Variants in GABRB1 observed in about 807,000 individuals in gnomAD.
The protein encoded by GABRB1 is gamma-aminobutyric acid type A receptor subunit beta1.
GABRB1 carries 17 observed loss-of-function variants against 51.6 expected under a neutral mutation model. That is an observed-to-expected ratio of 0.33 (90% CI 0.23 to 0.49). GABRB1 has a LOEUF of 0.49. GABRB1 is among the 20% of genes least tolerant of loss of function. The probability of loss-of-function intolerance (pLI) is 0.99; values close to 1 mark genes in which losing one functional copy is unlikely to be tolerated. For synonymous variants in GABRB1, 247 were observed against 218.9 expected, an observed-to-expected ratio of 1.13 and a Z score of -1.14; for missense variants, 410 against 600.6, an observed-to-expected ratio of 0.68 and a Z score of 3.32.
At chr4:47,399,223 G>A (rs1728297718) in intron 5 of GABRB1, among the ~76,000 whole-genome samples, 1 of 152,046 alleles carries the variant, frequency 6.6e-6, no homozygotes, top group East Asian at 1.9e-4. Context: ...TTATTATAAT[G>A]AAGTATATTA....
chr4:47,420,229 G>C (rs1210776380), intron 8 of GABRB1, among the ~76,000 whole-genome samples: 3 of 152,146 alleles, frequency 2.0e-5, no homozygotes, highest in African/African-American at 7.2e-5. Context: ...ACTCCAGAAG[G>C]CACGGAGCCT....
chr4:47,226,263 T>C (rs1160593454), intron 4 of GABRB1, among the ~76,000 whole-genome samples: 1 of 152,140 alleles, frequency 6.6e-6, no homozygotes, highest in Admixed American at 6.6e-5. Context: ...GCTGGATTAG[T>C]AAATATGAAG....
At chr4:47,232,757 A>G (rs1721184274) in intron 4 of GABRB1, among the ~76,000 whole-genome samples, 1 of 152,106 alleles carries the variant, frequency 6.6e-6, no homozygotes, top group Admixed American at 6.6e-5. Context: ...TCTGCCTCAC[A>G]TAGTTTATCC....
intron 4 of GABRB1, among the ~76,000 whole-genome samples, chr4:47,311,679 T>A (rs535734864): frequency 5.3e-5 from 8 of 152,244 alleles, no homozygotes; most frequent in African/African-American, 1.9e-4. Flanking sequence ...TGTAAGCGAA[T>A]AAATTTGTGT....
At chr4:47,224,925 AT>A (rs1296295383) in intron 4 of GABRB1, among the ~76,000 whole-genome samples, 2 of 151,898 alleles carry the variant, frequency 1.3e-5, no homozygotes, top group African/African-American at 4.8e-5. Flanking sequence ...ACAGAGTTTC[AT>A]TCTTGTTGCT....
In GABRB1 at chr4:47,282,497, C is replaced by G. The variant is rs560523209; in HGVS notation, c.462-37630C>G. Among the ~76,000 whole-genome samples the G allele has an allele frequency of 9.9e-4, 151 of 152,114 alleles. 1 individual carries two copies. The highest frequency in any genetic ancestry group is 3.3e-3 in the African/African-American group (137 of 41,494). On this transcript the variant is annotated intron_variant, in intron 4 of 8. Transcript: ENST00000295454. Reference sequence around the variant, plus strand: ...AACCATACATAACTAGTTGTAGTAGCACATAACTAGTTGTAGTAGCCCCAG... The same window carrying G: ...AACCATACATAACTAGTTGTAGTAGGACATAACTAGTTGTAGTAGCCCCAG...
At chr4:47,136,643 A>G (rs1444324121) in intron 3 of GABRB1, among the ~76,000 whole-genome samples, 1 of 152,096 alleles carries the variant, frequency 6.6e-6, no homozygotes, top group Non-Finnish European at 1.5e-5. Flanking sequence ...TAAAAAAGTG[A>G]ATAGAATTCA....
At chr4:47,236,375 T>C (rs927739945) in intron 4 of GABRB1, among the ~76,000 whole-genome samples, 2 of 152,118 alleles carry the variant, frequency 1.3e-5, no homozygotes, top group African/African-American at 4.8e-5. Context: ...CTATAATTTA[T>C]GTAATTAACT....
intron 4 of GABRB1, among the ~76,000 whole-genome samples, chr4:47,270,426 A>C (rs958724183): frequency 2.0e-5 from 3 of 152,212 alleles, no homozygotes; most frequent in Non-Finnish European, 4.4e-5. Flanking sequence ...ACTCCCAAGC[A>C]CAGCAAGGTC....
Position 47,363,767 on chromosome 4 carries a change from A to C in GABRB1, c.545-39551A>C, listed in dbSNP as rs545184323. ...ATCCTGCTCCTTTCTTAATGTTTCC[A>C]AGTTAAGCTCCATCAGACCATCTGG... On this transcript the variant is annotated intron_variant, in intron 5 of 8. Transcript: ENST00000295454. Among the ~76,000 whole-genome samples the C allele has an allele frequency of 1.8e-4, 28 of 152,308 alleles. No homozygotes were observed. The South Asian group carries it at 4.1e-3, about 23-fold the overall frequency.
At chr4:47,399,277 T>C (rs1316352707) in intron 5 of GABRB1, among the ~76,000 whole-genome samples, 1 of 152,220 alleles carries the variant, frequency 6.6e-6, no homozygotes, top group Non-Finnish European at 1.5e-5. Flanking sequence ...ATATTGATTA[T>C]GCTTTATTAT....
intron 3 of GABRB1, among the ~76,000 whole-genome samples, chr4:47,145,388 C>T (rs1197229990): frequency 6.6e-6 from 1 of 152,018 alleles, no homozygotes; most frequent in Non-Finnish European, 1.5e-5. Flanking sequence ...TTCATGTGCA[C>T]TTGCAGTGTG....
rs560100159 is a variant in GABRB1, at chr4:47,135,545, T to C, written c.241-25704T>C. Among the ~76,000 whole-genome samples, 30 of 152,248 alleles carry C rather than the reference T, an allele frequency of 2.0e-4. No individual in the cohort carries two copies. The Middle Eastern group carries it at 0.014, about 69-fold the overall frequency. ...GTAAAGATACCATTCTGAAATCTTA[T>C]GTTATCAAAGTCTTAATGACTCTCC... is the stretch of plus-strand genomic sequence containing the variant. On this transcript the variant is annotated intron_variant, in intron 3 of 8. Transcript: ENST00000295454.
chr4:47,034,705 T>A (rs904998881), intron 3 of GABRB1, among the ~76,000 whole-genome samples: 1 of 152,060 alleles, frequency 6.6e-6, no homozygotes, highest in African/African-American at 2.4e-5. Flanking sequence ...AACATTGAAA[T>A]AAATAGATTG....
At chr4:47,046,474 A>G (rs745574759) in intron 3 of GABRB1, among the ~76,000 whole-genome samples, 2 of 152,138 alleles carry the variant, frequency 1.3e-5, no homozygotes, top group Non-Finnish European at 1.5e-5. Context: ...TTTAAGAAAC[A>G]TCCAAAAATC....
At chr4:47,176,785 CCATTCATTCTT>C (rs1718721363) in intron 4 of GABRB1, among the ~76,000 whole-genome samples, 1 of 152,076 alleles carries the variant, frequency 6.6e-6, no homozygotes, top group African/African-American at 2.4e-5. Context: ...TAGCCTTGGA[CCATTCATTCTT>C]CATAATGGCA....
intron 4 of GABRB1, among the ~76,000 whole-genome samples, chr4:47,244,515 G>T (rs543430827): frequency 1.3e-5 from 2 of 152,236 alleles, no homozygotes; most frequent in African/African-American, 4.8e-5. Flanking sequence ...TCTGGTCCTG[G>T]ACTTTTTTTG....
chr4:47,140,201 C>T (rs3906823), intron 3 of GABRB1, among the ~76,000 whole-genome samples: 136,619 of 151,820 alleles, frequency 0.9, 61,540 homozygotes, highest in South Asian at 0.93. Context: ...CCTGTGAACA[C>T]TGTGAGATAT....
At chr4:47,012,452 G>A (rs1724610804) in intron 1 of GABRB1, among the ~76,000 whole-genome samples, 1 of 151,964 alleles carries the variant, frequency 6.6e-6, no homozygotes, top group African/African-American at 2.4e-5. Flanking sequence ...TGTGGTATTT[G>A]GTTTTCTCTT....
Sources: gnomAD v4.1 joint callset for allele counts (sites outside exome capture counted in the v4.1 genomes callset) on GRCh38, gnomAD v4.1.1 for gene constraint, MANE v1.5 for transcripts, NCBI Gene and HGNC (gene_info 2026-07-23, HGNC 2026-07-21) for gene names.